The following PCDH9 variants were observed in gnomAD, a reference collection of about 807,000 sequenced individuals.
PCDH9 encodes the protein protocadherin 9.
In PCDH9, 24 loss-of-function variants were observed where a neutral mutation model predicts 70.6. The observed-to-expected ratio is 0.34, with a 90% CI of 0.25 to 0.48. The LOEUF (loss-of-function observed/expected upper bound fraction) is 0.48, where lower values mean the gene tolerates loss of function less well. PCDH9 is among the 20% of genes least tolerant of loss of function. The probability of loss-of-function intolerance (pLI) is 0.99; values close to 1 mark genes in which losing one functional copy is unlikely to be tolerated. For synonymous variants in PCDH9, 562 were observed against 558.5 expected, an observed-to-expected ratio of 1.01 and a Z score of -0.09; for missense variants, 1,281 against 1,503.6, an observed-to-expected ratio of 0.85 and a Z score of 2.45.
chr13:66,624,533 T>A (rs1376897051), intron 4 of PCDH9, among the ~76,000 whole-genome samples: 2 of 152,332 alleles, frequency 1.3e-5, no homozygotes, highest in East Asian at 3.9e-4. Flanking sequence ...GGTCATGCCC[T>A]GCCTTCAACT....
intron 4 of PCDH9, among the ~76,000 whole-genome samples, chr13:66,441,248 G>A (rs1329960752): frequency 6.6e-6 from 1 of 152,114 alleles, no homozygotes; most frequent in Non-Finnish European, 1.5e-5. Context: ...TCCAGGCATG[G>A]GCCGAGAAGC....
chr13:67,145,290 A>T (rs1257401640), intron 2 of PCDH9, among the ~76,000 whole-genome samples: 1 of 152,086 alleles, frequency 6.6e-6, no homozygotes, highest in Non-Finnish European at 1.5e-5. Flanking sequence ...TCTGAACAAG[A>T]TGCTTGTAAA....
intron 2 of PCDH9, among the ~76,000 whole-genome samples, chr13:67,177,693 G>A (rs981931916): frequency 9.2e-5 from 14 of 152,012 alleles, no homozygotes; most frequent in African/African-American, 3.4e-4. Flanking sequence ...TTGCAGGCAA[G>A]CGTTCAAATA....
At chr13:67,184,603 C>T (rs1043241639) in intron 2 of PCDH9, among the ~76,000 whole-genome samples, 4 of 152,070 alleles carry the variant, frequency 2.6e-5, no homozygotes, top group Admixed American at 1.3e-4. Context: ...TAGAGGCACA[C>T]AACTGTTGTC....
At chr13:66,717,206 A>G (rs922735787) in intron 3 of PCDH9, among the ~76,000 whole-genome samples, 5 of 151,938 alleles carry the variant, frequency 3.3e-5, no homozygotes, top group Admixed American at 2.6e-4. Flanking sequence ...CTGTAACTGC[A>G]GCACTTTGGG....
At chr13:66,810,630 T>G (rs1446472493) in intron 3 of PCDH9, among the ~76,000 whole-genome samples, 4 of 152,106 alleles carry the variant, frequency 2.6e-5, no homozygotes, top group Admixed American at 1.3e-4. Flanking sequence ...ATATTAAACT[T>G]CTATCCCTAG....
chr13:66,816,946 C>A (rs1594098229), intron 3 of PCDH9, among the ~76,000 whole-genome samples: 1 of 149,420 alleles, frequency 6.7e-6, no homozygotes, highest in Admixed American at 6.7e-5. Context: ...CCTTATCCAC[C>A]AGAGGGTTCT....
chr13:67,048,809 A>G (rs2085270415), intron 2 of PCDH9, among the ~76,000 whole-genome samples: 1 of 152,204 alleles, frequency 6.6e-6, no homozygotes, highest in African/African-American at 2.4e-5. Context: ...TTTTGCACAC[A>G]GTAGGTGTTC....
At chr13:66,803,736 G>A (rs2080364444) in intron 3 of PCDH9, among the ~76,000 whole-genome samples, 1 of 152,076 alleles carries the variant, frequency 6.6e-6, no homozygotes, top group South Asian at 2.1e-4. Flanking sequence ...GCAGAAATGG[G>A]TGGATAACGT....
chr13:66,314,349 G>A (rs1030520685), intron 4 of PCDH9, among the ~76,000 whole-genome samples: 1 of 152,136 alleles, frequency 6.6e-6, no homozygotes, highest in Non-Finnish European at 1.5e-5. Context: ...GGTAGGTTTG[G>A]GGGGTAAGTC....
At chr13:66,577,378 A>T (rs1345318990) in intron 4 of PCDH9, among the ~76,000 whole-genome samples, 1 of 151,972 alleles carries the variant, frequency 6.6e-6, no homozygotes, top group Non-Finnish European at 1.5e-5. Context: ...ATAGAATCCA[A>T]AGTGAATAAT....
chr13:66,422,873 G>T (rs1038562384), intron 4 of PCDH9, among the ~76,000 whole-genome samples: 1 of 151,994 alleles, frequency 6.6e-6, no homozygotes, highest in Non-Finnish European at 1.5e-5. Flanking sequence ...CCAGGAGCTG[G>T]TTTTTTGAAA....
intron 2 of PCDH9, among the ~76,000 whole-genome samples, chr13:66,930,724 C>T (rs2082793268): frequency 6.6e-6 from 1 of 151,882 alleles, no homozygotes; most frequent in African/African-American, 2.4e-5. Flanking sequence ...TGGTAGCTTA[C>T]ATCTAGAAAA....
chr13:67,046,219 AT>A (rs1462352809), intron 2 of PCDH9, among the ~76,000 whole-genome samples: 2 of 152,168 alleles, frequency 1.3e-5, no homozygotes, highest in Non-Finnish European at 2.9e-5. Flanking sequence ...TGTTGCCAAG[AT>A]TACACTCTAG....
At chr13:66,996,792 T>A (rs2084126179) in intron 2 of PCDH9, among the ~76,000 whole-genome samples, 2 of 152,132 alleles carry the variant, frequency 1.3e-5, no homozygotes. Flanking sequence ...TGCAGAATCG[T>A]AAAAGAAAAA....
At chr13:66,676,289 T>C (rs2078241529) in intron 3 of PCDH9, among the ~76,000 whole-genome samples, 1 of 152,128 alleles carries the variant, frequency 6.6e-6, no homozygotes, top group Non-Finnish European at 1.5e-5. Context: ...ACTCATTAAA[T>C]AACCCATCTT....
intron 4 of PCDH9, among the ~76,000 whole-genome samples, chr13:66,599,202 TA>T (rs1301806217): frequency 6.6e-6 from 1 of 151,832 alleles, no homozygotes; most frequent in African/African-American, 2.4e-5. Flanking sequence ...TTGAGCTGTA[TA>T]TTTTACTACT....
chr13:67,205,218 A>C (rs1168401156), intron 2 of PCDH9: 1 of 152,202 alleles, frequency 6.6e-6, no homozygotes, highest in African/African-American at 2.4e-5. Context: ...CTGCTGTTCT[A>C]GTTTATTGAC....
chr13:66,337,477 A>G (rs1850969810), intron 4 of PCDH9, among the ~76,000 whole-genome samples: 2 of 152,190 alleles, frequency 1.3e-5, no homozygotes, highest in Admixed American at 1.3e-4. Context: ...TAATGATTAC[A>G]TCTTGTCTCA....
Sources: allele counts gnomAD v4.1 joint callset (sites outside exome capture counted in the v4.1 genomes callset), GRCh38; gene constraint gnomAD v4.1.1; transcripts MANE v1.5; gene names NCBI Gene and HGNC (gene_info 2026-07-23, HGNC 2026-07-21).